ARL15: variants seen among roughly 807,000 people sequenced by gnomAD.
The protein encoded by ARL15 is ADP-ribosylation factor-like protein 15.
Under a neutral mutation model 25.2 loss-of-function variants are expected in ARL15, and 19 were observed. The ratio of observed to expected loss-of-function variants is 0.75; its 90% CI spans 0.53 to 1.10. The LOEUF (loss-of-function observed/expected upper bound fraction) is 1.10. Among genes scored for constraint, ARL15 ranks in the 50% least tolerant of loss-of-function variants. The pLI is 0.00. For missense variants in ARL15, 220 were observed against 246.0 expected, an observed-to-expected ratio of 0.89 and a Z score of 0.71; for synonymous variants, 94 against 86.8, an observed-to-expected ratio of 1.08 and a Z score of -0.46.
intron 4 of ARL15, among the ~76,000 whole-genome samples, chr5:54,082,107 A>AGGAG (rs143494582): frequency 6.6e-5 from 9 of 135,630 alleles, no homozygotes; most frequent in East Asian, 2.1e-4. Context: ...AAAGAAGGAA[A>AGGAG]GGAGGGAGGG....
At chr5:53,994,499 G>A (rs1723155087) in intron 4 of ARL15, among the ~76,000 whole-genome samples, 1 of 152,200 alleles carries the variant, frequency 6.6e-6, no homozygotes, top group South Asian at 2.1e-4. Flanking sequence ...CCTCTCTGGG[G>A]AAGAGAGGCT....
intron 1 of ARL15, among the ~76,000 whole-genome samples, chr5:54,289,852 A>G (rs983120884): frequency 4.6e-5 from 7 of 152,232 alleles, no homozygotes; most frequent in Non-Finnish European, 1.0e-4. Flanking sequence ...TGTAATTGAC[A>G]TATAATGTAT....
At chr5:54,095,385 A>T (rs1466001827) in intron 4 of ARL15, among the ~76,000 whole-genome samples, 1 of 152,178 alleles carries the variant, frequency 6.6e-6, no homozygotes, top group East Asian at 1.9e-4. Context: ...GCCTTTTCTT[A>T]AACTCTTCCC....
chr5:53,948,070 TAAAC>T (rs1156575470), intron 4 of ARL15, among the ~76,000 whole-genome samples: 2 of 151,964 alleles, frequency 1.3e-5, no homozygotes, highest in African/African-American at 2.4e-5. Flanking sequence ...GTAGAACTAA[TAAAC>T]AAATTAGAAA....
At chr5:54,244,776 G>A (rs936636442) in intron 1 of ARL15, among the ~76,000 whole-genome samples, 9 of 144,210 alleles carry the variant, frequency 6.2e-5, no homozygotes, top group South Asian at 2.3e-4. Context: ...CACACATTAC[G>A]TAAACAAAGA....
intron 1 of ARL15, among the ~76,000 whole-genome samples, chr5:54,187,408 T>C (rs557824199): frequency 1.1e-3 from 161 of 152,254 alleles, no homozygotes; most frequent in African/African-American, 3.5e-3. Flanking sequence ...GTATCAACTA[T>C]ACATTTGGTC....
At chr5:53,965,362 A>G (rs1433032036) in intron 4 of ARL15, among the ~76,000 whole-genome samples, 1 of 152,196 alleles carries the variant, frequency 6.6e-6, no homozygotes, top group Non-Finnish European at 1.5e-5. Flanking sequence ...CATTTTAAAG[A>G]CTATTTTAGT....
intron 3 of ARL15, among the ~76,000 whole-genome samples, chr5:54,126,842 TTTTTA>T (rs1247949974): frequency 1.3e-5 from 2 of 151,718 alleles, no homozygotes; most frequent in Non-Finnish European, 2.9e-5. Context: ...TTTTAATTTA[TTTTTA>T]TTTTATTTTA....
chr5:54,274,711 A>G (rs1757880703), intron 1 of ARL15, among the ~76,000 whole-genome samples: 1 of 152,156 alleles, frequency 6.6e-6, no homozygotes, highest in African/African-American at 2.4e-5. Flanking sequence ...AGCCTGACCA[A>G]CATGGTGAAA....
chr5:54,270,372 T>C (rs1350540151), intron 1 of ARL15, among the ~76,000 whole-genome samples: 3 of 152,048 alleles, frequency 2.0e-5, no homozygotes, highest in Non-Finnish European at 4.4e-5. Context: ...TAACTGAAAA[T>C]AGAGTAGTCG....
chr5:53,941,730 G>T (rs1327076133), intron 4 of ARL15, among the ~76,000 whole-genome samples: 2 of 152,148 alleles, frequency 1.3e-5, no homozygotes, highest in Non-Finnish European at 2.9e-5. Flanking sequence ...GGGCACAGTT[G>T]TTTATGTGGT....
intron 4 of ARL15, among the ~76,000 whole-genome samples, chr5:53,965,628 T>C (rs1167070717): frequency 1.3e-5 from 2 of 151,946 alleles, no homozygotes; most frequent in South Asian, 2.1e-4. Context: ...GTTTTTCTTT[T>C]TTTTTTTTTC....
chr5:54,277,804 A>C (rs1366513731), intron 1 of ARL15, among the ~76,000 whole-genome samples: 6 of 152,336 alleles, frequency 3.9e-5, no homozygotes, highest in Admixed American at 1.3e-4. Context: ...AAGAATTTAA[A>C]GAGTTTTTAA....
intron 3 of ARL15, 55 bp downstream of exon 3, chr5:54,154,525 T>C (rs1242265044): frequency 2.4e-5 from 28 of 1,146,122 alleles, no homozygotes; most frequent in Non-Finnish European, 3.5e-5. Context: ...TAATACATTA[T>C]TACCAAATTC....
At chr5:53,948,893 G>A (rs1314369502) in intron 4 of ARL15, among the ~76,000 whole-genome samples, 1 of 152,078 alleles carries the variant, frequency 6.6e-6, no homozygotes, top group African/African-American at 2.4e-5. Context: ...TACATAGCCC[G>A]GAGCTGAAGG....
At chr5:54,230,991 A>G (rs1264167924) in intron 1 of ARL15, among the ~76,000 whole-genome samples, 1 of 151,478 alleles carries the variant, frequency 6.6e-6, no homozygotes, top group Non-Finnish European at 1.5e-5. Context: ...TAGCATTTTT[A>G]CCTAGATCAG....
intron 4 of ARL15, among the ~76,000 whole-genome samples, chr5:53,902,788 C>T (rs779848888): frequency 4.6e-5 from 7 of 152,104 alleles, no homozygotes; most frequent in Non-Finnish European, 1.0e-4. Context: ...GCAGTTTGTC[C>T]TCTGGCTACA....
chr5:54,256,771 G>A (rs915517572), intron 1 of ARL15, among the ~76,000 whole-genome samples: 4 of 152,106 alleles, frequency 2.6e-5, no homozygotes, highest in Non-Finnish European at 5.9e-5. Flanking sequence ...TCCCAGGGAT[G>A]CAGGGATGGT....
At chr5:54,231,569 C>T (rs1756672285) in intron 1 of ARL15, among the ~76,000 whole-genome samples, 1 of 152,186 alleles carries the variant, frequency 6.6e-6, no homozygotes. Flanking sequence ...GGTGGTAACT[C>T]CTTATCTTAG....
Sources: gnomAD v4.1 joint callset for allele counts (sites outside exome capture counted in the v4.1 genomes callset) on GRCh38, gnomAD v4.1.1 for gene constraint, MANE v1.5 for transcripts, NCBI Gene and HGNC (gene_info 2026-07-23, HGNC 2026-07-21) for gene names.